The following SENP6 variants were observed in gnomAD, a reference collection of about 807,000 sequenced individuals.
SENP6 encodes sentrin-specific protease 6.
In SENP6, 41 loss-of-function variants were observed where a neutral mutation model predicts 134.5. That is an observed-to-expected ratio of 0.30 (90% CI 0.24 to 0.40). The LOEUF is 0.40. SENP6 is among the 10% of genes least tolerant of loss of function. The probability of loss-of-function intolerance (pLI) is 1.00; values close to 1 mark genes in which losing one functional copy is unlikely to be tolerated. For missense variants in SENP6, 1,248 were observed against 1,312.5 expected, an observed-to-expected ratio of 0.95 and a Z score of 0.76; for synonymous variants, 395 against 429.8, an observed-to-expected ratio of 0.92 and a Z score of 1.00.
chr6:75,714,116 TGCCTCTTTTA>T (rs1582920312), intron 23 of SENP6, among the ~76,000 whole-genome samples: 1 of 152,224 alleles, frequency 6.6e-6, no homozygotes, highest in Non-Finnish European at 1.5e-5. Context: ...TGATTCACAC[TGCCTCTTTTA>T]GCCTCTTTTC....
In SENP6 at chr6:75,621,641, T is replaced by C. The variant is rs533363441; in HGVS notation, c.146+16T>C. On this transcript the variant is annotated intron_variant, in intron 2 of 23. Transcript: ENST00000447266. ...CAGATAAAGAGTAAGGATTTTTTTTTCCCTCAGATGTTTTATAAGAATAAA... is the reference window on the plus strand; with the variant it reads ...CAGATAAAGAGTAAGGATTTTTTTTCCCCTCAGATGTTTTATAAGAATAAA... 7.5e-6 allele frequency: 11 copies of C among 1,467,390 alleles called. No homozygotes were observed. The East Asian group carries it at 1.8e-4, about 24-fold the overall frequency. 90.9% of individuals were successfully genotyped at this position (1,467,390 alleles called of 1,614,324 possible). A position where few individuals can be genotyped will look rare whatever the true frequency, so the allele number is the denominator to read the frequency against.
chr6:75,686,447 G>A (rs1410713377), intron 16 of SENP6, among the ~76,000 whole-genome samples: 3 of 152,090 alleles, frequency 2.0e-5, no homozygotes, highest in South Asian at 2.1e-4. Flanking sequence ...TATGATGTTC[G>A]CTGGTTATTT....
At chr6:75,604,977 GC>G (rs1466950892) in intron 1 of SENP6, among the ~76,000 whole-genome samples, 15 of 152,228 alleles carry the variant, frequency 9.9e-5, no homozygotes, top group Admixed American at 4.6e-4. Context: ...GGAGGCTGAG[GC>G]AGGAGAATCA....
In SENP6 at chr6:75,716,106, GTAAC is replaced by G. The variant is rs1353022192; in HGVS notation, c.*513_*516del. 2.6e-5 allele frequency: 4 copies of G among 152,190 alleles called. No individual in the cohort carries two copies. The East Asian group carries it at 5.8e-4, about 22-fold the overall frequency. The allele number at this position is 152,190 out of a possible 1,614,324, so 9.4% of individuals were successfully genotyped here. On this transcript the variant is annotated 3_prime_UTR_variant, in exon 24 of 24. Coordinates refer to ENST00000447266, the MANE Select transcript of SENP6 (RefSeq NM_015571.4). The stretch of plus-strand genomic sequence containing the variant: ...TATATGCTTGTGTAACAGGAACAAA[GTAAC>G]AGCCTTTCAATTCATATACTGCCTT...
rs201645101 is a variant in SENP6 at position 75,663,491 on chromosome 6, A to G, written c.967A>G (p.Thr323Ala). ...PKITNLKERK[T>A]SLSDLNDPII... is the part of the protein sequence containing the mutation. Reference sequence around the variant, plus strand: ...AATCACAAACTTGAAAGAAAGGAAAACAAGTTTGTCAGACCTAAATGATCC... The same window carrying G: ...AATCACAAACTTGAAAGAAAGGAAAGCAAGTTTGTCAGACCTAAATGATCC... The change falls in exon 9 of 24, where the codon ACA becomes GCA. Residue 323 changes from threonine (T) to alanine (A), a missense_variant. Transcript: ENST00000447266. 6.2e-7 allele frequency: 1 copy of G among 1,611,524 alleles called. No individual in the cohort carries two copies.
At chr6:75,622,787 C>T in intron 2 of SENP6, 1 of 1,289,052 alleles carries the variant, frequency 7.8e-7, no homozygotes, top group Non-Finnish European at 1.0e-6. Context: ...CTCCGTTCAT[C>T]ATTACCACTT....
At chr6:75,697,006 T>C (rs1380712121) in intron 17 of SENP6, among the ~76,000 whole-genome samples, 1 of 152,226 alleles carries the variant, frequency 6.6e-6, no homozygotes, top group African/African-American at 2.4e-5. Context: ...GTCATTGGTT[T>C]TGACCAGTGC....
At chr6:75,628,709 A>G (rs571451404) in intron 3 of SENP6, among the ~76,000 whole-genome samples, 2 of 152,268 alleles carry the variant, frequency 1.3e-5, no homozygotes, top group South Asian at 2.1e-4. Flanking sequence ...GTTTTGCTAT[A>G]GTATTATCAT....
chr6:75,695,168 G>A (rs1450451849), intron 16 of SENP6, among the ~76,000 whole-genome samples: 1 of 152,146 alleles, frequency 6.6e-6, no homozygotes, highest in South Asian at 2.1e-4. Context: ...GAGCCACCGT[G>A]TGCAGCCTAA....
chr6:75,689,018 A>G (rs749351858), intron 16 of SENP6, among the ~76,000 whole-genome samples: 1 of 152,176 alleles, frequency 6.6e-6, no homozygotes, highest in South Asian at 2.1e-4. Flanking sequence ...GGGAGCCGAG[A>G]TCATGCCATT....
At chr6:75,661,908 T>C (rs760918506) in intron 8 of SENP6, among the ~76,000 whole-genome samples, 22 of 151,988 alleles carry the variant, frequency 1.4e-4, no homozygotes, top group Non-Finnish European at 2.9e-4. Flanking sequence ...AAAAATTAGC[T>C]GAGCATGGTG....
At chr6:75,710,920 CATT>C (rs1283653252) in intron 20 of SENP6, among the ~76,000 whole-genome samples, 2 of 152,080 alleles carry the variant, frequency 1.3e-5, no homozygotes, top group Non-Finnish European at 2.9e-5. Flanking sequence ...GATGTGAAAA[CATT>C]ATTCATGTAA....
intron 10 of SENP6, among the ~76,000 whole-genome samples, chr6:75,668,494 CA>C (rs537273295): frequency 1.4e-4 from 21 of 151,202 alleles, no homozygotes; most frequent in Non-Finnish European, 2.7e-4. Context: ...GAATAGAATT[CA>C]AAAAAAATAG....
At chr6:75,658,288 A>G (rs1389671154) in intron 7 of SENP6, among the ~76,000 whole-genome samples, 1 of 152,186 alleles carries the variant, frequency 6.6e-6, no homozygotes. Context: ...GAATAATTAT[A>G]GGTTTCTTAA....
rs890376243 is a variant in SENP6, at chr6:75,666,940, A to G, written c.1223A>G (p.Gln408Arg). ...CCAAGAAAAGCAAGAATGAAAGACC[A>G]GGTACTTTTCACTTTTGTTGACATT... is the stretch of plus-strand genomic sequence containing the variant. ...TLPRKARMKD[Q>R]FGNSIINTPL... The change falls in exon 10 of 24, where the codon CAG becomes CGG. Residue 408 changes from glutamine to arginine, a missense_variant and splice_region_variant. Physicochemically the swap from Gln to Arg is conservative, Grantham distance 43. This residue lies in a region of SENP6 where 733 missense variants were observed against 725.4 expected (regional missense o/e 1.01). Transcript: ENST00000447266. 1.3e-6 allele frequency: 2 copies of G among 1,589,360 alleles called. No homozygotes were observed. Among genetic ancestry groups the G allele is most frequent in the Non-Finnish European group, 1.7e-6 (2 of 1,160,992 alleles).
intron 1 of SENP6, among the ~76,000 whole-genome samples, chr6:75,603,639 C>T (rs1026920831): frequency 6.6e-6 from 1 of 152,084 alleles, no homozygotes; most frequent in African/African-American, 2.4e-5. Context: ...TTAAGAAAAT[C>T]CCTAAACAGG....
At chr6:75,673,518 T>C (rs1331213244) in intron 11 of SENP6, among the ~76,000 whole-genome samples, 1 of 151,330 alleles carries the variant, frequency 6.6e-6, no homozygotes, top group Admixed American at 6.6e-5. Flanking sequence ...GAGATGGTGT[T>C]ACATCATCTT....
intron 6 of SENP6, among the ~76,000 whole-genome samples, chr6:75,645,793 A>G (rs1277498069): frequency 6.6e-6 from 1 of 152,210 alleles, no homozygotes; most frequent in East Asian, 1.9e-4. Flanking sequence ...TAATTTTTAA[A>G]AAACAGAACT....
chr6:75,622,957 A>G (rs1174828166), intron 2 of SENP6: 4 of 407,022 alleles, frequency 9.8e-6, no homozygotes, highest in East Asian at 1.6e-4. Flanking sequence ...ATTATTCAGT[A>G]TGCATATAGT....
Sources: gnomAD v4.1 joint callset for allele counts (sites outside exome capture counted in the v4.1 genomes callset) on GRCh38, gnomAD v4.1.1 for gene constraint, gnomAD v4.1.1 regional missense constraint, MANE v1.5 for transcripts, NCBI Gene and HGNC (gene_info 2026-07-23, HGNC 2026-07-21) for gene names.